PIGL: variants seen among roughly 807,000 people sequenced by gnomAD.
PIGL encodes the protein N-acetylglucosaminyl-phosphatidylinositol de-N-acetylase.
Under a neutral mutation model 31.1 loss-of-function variants are expected in PIGL, and 22 were observed. The observed-to-expected ratio is 0.71, with a 90% CI of 0.51 to 1.01. The LOEUF (loss-of-function observed/expected upper bound fraction) is 1.01, where lower values mean the gene tolerates loss of function less well. Among genes scored for constraint, PIGL ranks in the 50% least tolerant of loss-of-function variants. PIGL has a pLI of 0.00. For synonymous variants in PIGL, 131 were observed against 117.4 expected, an observed-to-expected ratio of 1.12 and a Z score of -0.75; for missense variants, 302 against 315.9, an observed-to-expected ratio of 0.96 and a Z score of 0.33.
At chr17:16,241,307 G>A (rs2092722394) in intron 2 of PIGL, among the ~76,000 whole-genome samples, 1 of 151,638 alleles carries the variant, frequency 6.6e-6, no homozygotes, top group Non-Finnish European at 1.5e-5. Flanking sequence ...CTTTGGGGTG[G>A]GCTGGGTGCA....
At chr17:16,303,839 T>C (rs867157700) in intron 3 of PIGL, among the ~76,000 whole-genome samples, 28 of 152,212 alleles carry the variant, frequency 1.8e-4, no homozygotes, top group African/African-American at 6.5e-4. Context: ...CTCAGCCTCC[T>C]GAGTAGCTGG....
intron 2 of PIGL, among the ~76,000 whole-genome samples, chr17:16,292,396 T>A (rs201205233): frequency 0.047 from 6,931 of 146,786 alleles, 202 homozygotes; most frequent in African/African-American, 0.092. Context: ...TCTTTCTCTT[T>A]AAAAAAAAAA....
chr17:16,261,385 A>G (rs1441723546), intron 2 of PIGL, among the ~76,000 whole-genome samples: 1 of 152,222 alleles, frequency 6.6e-6, no homozygotes, highest in Non-Finnish European at 1.5e-5. Flanking sequence ...ATATGACACC[A>G]AAACAGTAAT....
rs140007302 is a variant in PIGL, at chr17:16,249,372, G to A, written c.335+15302G>A. Among the ~76,000 whole-genome samples, 303 of 152,244 alleles carry A rather than the reference G, an allele frequency of 2.0e-3. 2 individuals carry two copies. The highest frequency in any genetic ancestry group is 0.01 in the Middle Eastern group (3 of 294). ...CGCACGCCTGTAGTCCCAGCTACTC[G>A]GGAGGCTGAGACACAAGAATCGCTT... On this transcript the variant is annotated intron_variant, in intron 2 of 6. Coordinates refer to ENST00000225609, the MANE Select transcript of PIGL (RefSeq NM_004278.4).
intron 1 of PIGL, among the ~76,000 whole-genome samples, chr17:16,233,141 T>G (rs1443460088): frequency 1.3e-5 from 2 of 151,900 alleles, no homozygotes. Flanking sequence ...TATCTCCACT[T>G]AACTGGTGAA....
intron 2 of PIGL, among the ~76,000 whole-genome samples, chr17:16,287,553 T>A (rs1418160709): frequency 6.6e-6 from 1 of 152,228 alleles, no homozygotes; most frequent in Non-Finnish European, 1.5e-5. Flanking sequence ...TTTAAGAAGT[T>A]CTCTCACAGA....
intron 2 of PIGL, among the ~76,000 whole-genome samples, chr17:16,267,868 A>G (rs558545154): frequency 6.6e-6 from 1 of 152,144 alleles, no homozygotes; most frequent in African/African-American, 2.4e-5. Context: ...AATACTAGCC[A>G]TGGTAAAGAA....
At chr17:16,306,011 C>G (rs577302228) in intron 3 of PIGL, among the ~76,000 whole-genome samples, 1 of 152,126 alleles carries the variant, frequency 6.6e-6, no homozygotes, top group African/African-American at 2.4e-5. Flanking sequence ...TACAGTGGCA[C>G]GATCTCGGCT....
At chr17:16,229,062 G>A (rs2092666652) in intron 1 of PIGL, among the ~76,000 whole-genome samples, 1 of 152,020 alleles carries the variant, frequency 6.6e-6, no homozygotes, top group African/African-American at 2.4e-5. Flanking sequence ...CTTGAGACCA[G>A]GAGTTCAAGA....
chr17:16,279,493 C>T (rs575421898), intron 2 of PIGL, among the ~76,000 whole-genome samples: 1 of 152,326 alleles, frequency 6.6e-6, no homozygotes, highest in African/African-American at 2.4e-5. Context: ...GTCTTAGGCT[C>T]AGCATTATCC....
intron 2 of PIGL, among the ~76,000 whole-genome samples, chr17:16,293,517 G>T (rs907450365): frequency 6.6e-6 from 1 of 152,174 alleles, no homozygotes; most frequent in Admixed American, 6.5e-5. Context: ...GACAGAAGGA[G>T]ACTCCGTCTC....
chr17:16,324,177 C>G (rs562748525), intron 6 of PIGL, among the ~76,000 whole-genome samples: 8 of 151,380 alleles, frequency 5.3e-5, no homozygotes, highest in Non-Finnish European at 8.8e-5. Context: ...GTTGGTCAGG[C>G]TGGTCTCAAA....
intron 2 of PIGL, among the ~76,000 whole-genome samples, chr17:16,263,097 G>C (rs964487475): frequency 3.3e-5 from 5 of 151,488 alleles, no homozygotes; most frequent in Non-Finnish European, 5.9e-5. Flanking sequence ...TTTATTTGGG[G>C]GGGGGGGATG....
At chr17:16,256,071 G>A (rs1332747273) in intron 2 of PIGL, among the ~76,000 whole-genome samples, 2 of 152,096 alleles carry the variant, frequency 1.3e-5, no homozygotes, top group Non-Finnish European at 2.9e-5. Flanking sequence ...CATGCATTTG[G>A]AGCTAATACC....
At chr17:16,293,980 C>T (rs1271776093) in intron 2 of PIGL, among the ~76,000 whole-genome samples, 21 of 152,076 alleles carry the variant, frequency 1.4e-4, no homozygotes, top group Non-Finnish European at 1.5e-5. Flanking sequence ...CTCTCATTGG[C>T]TTTTGGGAGG....
At chr17:16,234,833 C>T (rs1490652945) in intron 2 of PIGL, among the ~76,000 whole-genome samples, 1 of 152,168 alleles carries the variant, frequency 6.6e-6, no homozygotes, top group Non-Finnish European at 1.5e-5. Context: ...AATTTTTTAA[C>T]TTCTGTTCGG....
chr17:16,235,752 CTTTTTT>C (rs35285920), intron 2 of PIGL, among the ~76,000 whole-genome samples: 1 of 111,534 alleles, frequency 9.0e-6, no homozygotes, highest in Non-Finnish European at 1.8e-5. Flanking sequence ...TGTGTCCGGT[CTTTTTT>C]TTTTTTTTTT....
chr17:16,268,431 G>A (rs939842049), intron 2 of PIGL, among the ~76,000 whole-genome samples: 4 of 152,044 alleles, frequency 2.6e-5, no homozygotes, highest in African/African-American at 9.7e-5. Flanking sequence ...TATATTAGGT[G>A]TTTTTTGTTT....
At chr17:16,295,230 C>G (rs1265878093) in intron 2 of PIGL, among the ~76,000 whole-genome samples, 1 of 151,498 alleles carries the variant, frequency 6.6e-6, no homozygotes, top group African/African-American at 2.4e-5. Flanking sequence ...ATGGTGAAAC[C>G]CTGTCTGTAC....
Sources: allele counts gnomAD v4.1 joint callset (sites outside exome capture counted in the v4.1 genomes callset), GRCh38; gene constraint gnomAD v4.1.1; transcripts MANE v1.5; gene names NCBI Gene and HGNC (gene_info 2026-07-23, HGNC 2026-07-21).